Variants in AGBL4 observed in about 807,000 individuals in gnomAD.
AGBL4 encodes cytosolic carboxypeptidase 6.
Under a neutral mutation model 66.4 loss-of-function variants are expected in AGBL4, and 58 were observed. The observed-to-expected ratio is 0.87, with a 90% confidence interval of 0.71 to 1.09. AGBL4 has a LOEUF of 1.09. Among genes scored for constraint, AGBL4 ranks in the 50% least tolerant of loss-of-function variants. AGBL4 has a pLI of 0.00. For synonymous variants in AGBL4, 234 were observed against 222.9 expected (o/e 1.05, Z -0.44); for missense variants, 579 against 631.0 (o/e 0.92, Z 0.88).
At chr1:48,772,571 G>T (rs944717169) in intron 6 of AGBL4, among the ~76,000 whole-genome samples, 3 of 152,152 alleles carry the variant, frequency 2.0e-5, no homozygotes, top group Non-Finnish European at 2.9e-5. Context: ...AGGTGGGGCT[G>T]GGATAGAGCT....
downstream of AGBL4, among the ~76,000 whole-genome samples, chr1:48,532,517 A>G (rs1169932737): frequency 6.6e-6 from 1 of 152,178 alleles, no homozygotes; most frequent in African/African-American, 2.4e-5. Context: ...TGATCACATT[A>G]TGGAAGTGAC....
At chr1:49,491,541 TC>T (rs1647184480) in intron 3 of AGBL4, among the ~76,000 whole-genome samples, 1 of 151,980 alleles carries the variant, frequency 6.6e-6, no homozygotes, top group South Asian at 2.1e-4. Context: ...ATTTATCTTT[TC>T]CAAAAGGAAT....
At chr1:48,994,034 G>A (rs1430936254) in intron 5 of AGBL4, among the ~76,000 whole-genome samples, 1 of 152,152 alleles carries the variant, frequency 6.6e-6, no homozygotes, top group Non-Finnish European at 1.5e-5. Context: ...CCTGAAGGGA[G>A]GATGATCAGT....
chr1:49,871,441 T>G (rs1382732810), intron 1 of AGBL4, among the ~76,000 whole-genome samples: 2 of 152,026 alleles, frequency 1.3e-5, no homozygotes, highest in Non-Finnish European at 2.9e-5. Flanking sequence ...TTTGGCTGAG[T>G]GAATGACTAA....
At chr1:49,862,318 T>A (rs1338438371) in intron 1 of AGBL4, among the ~76,000 whole-genome samples, 1 of 149,830 alleles carries the variant, frequency 6.7e-6, no homozygotes, top group African/African-American at 2.5e-5. Context: ...ATTAGTGAGT[T>A]TGAAGACAGG....
At chr1:49,977,986 T>G (rs1477541471) in intron 1 of AGBL4, among the ~76,000 whole-genome samples, 3 of 152,196 alleles carry the variant, frequency 2.0e-5, no homozygotes, top group African/African-American at 7.2e-5. Flanking sequence ...TAAGCAACTT[T>G]TGAGATAGGA....
intron 2 of AGBL4, among the ~76,000 whole-genome samples, chr1:49,775,501 G>A (rs866062283): frequency 6.6e-6 from 1 of 151,864 alleles, no homozygotes; most frequent in East Asian, 1.9e-4. Flanking sequence ...GGGTATGGGG[G>A]CTGTTTCTTA....
chr1:48,755,644 TTAG>T (rs1400246143), intron 6 of AGBL4, among the ~76,000 whole-genome samples: 1 of 152,194 alleles, frequency 6.6e-6, no homozygotes, highest in East Asian at 1.9e-4. Context: ...CTCTGCCTTC[TTAG>T]TGGTGTTTAT....
At chr1:49,904,814 T>C (rs937498823) in intron 1 of AGBL4, among the ~76,000 whole-genome samples, 2 of 152,190 alleles carry the variant, frequency 1.3e-5, no homozygotes, top group African/African-American at 2.4e-5. Context: ...GCTATTCTCA[T>C]GCCACATTAG....
intron 4 of AGBL4, among the ~76,000 whole-genome samples, chr1:49,138,555 A>G (rs376892634): frequency 6.6e-6 from 1 of 152,064 alleles, no homozygotes; most frequent in Non-Finnish European, 1.5e-5. Context: ...ATGACTGAAA[A>G]TGTCACCTGT....
At chr1:49,532,225 G>C (rs1030926282) in intron 3 of AGBL4, among the ~76,000 whole-genome samples, 1 of 152,048 alleles carries the variant, frequency 6.6e-6, no homozygotes, top group Admixed American at 6.5e-5. Context: ...GTTAAACATA[G>C]AATATCAGTA....
intron 2 of AGBL4, among the ~76,000 whole-genome samples, chr1:49,698,028 G>C (rs917810448): frequency 3.3e-5 from 5 of 152,060 alleles, no homozygotes; most frequent in Admixed American, 6.6e-5. Context: ...TCCAACAACA[G>C]AACTAACAGT....
At chr1:49,562,631 T>C (rs187991573) in intron 3 of AGBL4, among the ~76,000 whole-genome samples, 32 of 152,276 alleles carry the variant, frequency 2.1e-4, no homozygotes, top group African/African-American at 6.5e-4. Flanking sequence ...ATATATGGCA[T>C]TATTTCTGAG....
At chr1:49,560,680 A>G (rs1644016898) in intron 3 of AGBL4, among the ~76,000 whole-genome samples, 1 of 152,160 alleles carries the variant, frequency 6.6e-6, no homozygotes, top group Non-Finnish European at 1.5e-5. Flanking sequence ...CACAAAGTTC[A>G]AGGATAAATA....
chr1:49,900,327 A>G, intron 1 of AGBL4, among the ~76,000 whole-genome samples: 1 of 151,268 alleles, frequency 6.6e-6, no homozygotes, highest in East Asian at 2.0e-4. Flanking sequence ...CTCACCACAA[A>G]CTCTGCCTCC....
intron 1 of AGBL4, among the ~76,000 whole-genome samples, chr1:50,007,362 T>A (rs1371494310): frequency 6.6e-6 from 1 of 152,232 alleles, no homozygotes; most frequent in Non-Finnish European, 1.5e-5. Flanking sequence ...GAAGTCCTTA[T>A]CTATCAATAA....
At chr1:49,406,989 C>T (rs764538569) in intron 3 of AGBL4, among the ~76,000 whole-genome samples, 32 of 139,346 alleles carry the variant, frequency 2.3e-4, no homozygotes, top group African/African-American at 8.1e-4. Context: ...GGCGTAAACC[C>T]GGGAGGTGGA....
intron 4 of AGBL4, among the ~76,000 whole-genome samples, chr1:49,164,085 G>A (rs781131352): frequency 6.6e-6 from 1 of 152,138 alleles, no homozygotes; most frequent in South Asian, 2.1e-4. Flanking sequence ...TATGTGTGTA[G>A]GAGGTGACAA....
chr1:49,731,683 C>A (rs1353938823), intron 2 of AGBL4, among the ~76,000 whole-genome samples: 3 of 151,860 alleles, frequency 2.0e-5, no homozygotes, highest in Non-Finnish European at 2.9e-5. Flanking sequence ...AGGAAGTACT[C>A]TAAATATATG....
Sources: gnomAD v4.1 joint callset for allele counts (sites outside exome capture counted in the v4.1 genomes callset) on GRCh38, gnomAD v4.1.1 for gene constraint, MANE v1.5 for transcripts, NCBI Gene and HGNC (gene_info 2026-07-23, HGNC 2026-07-21) for gene names.